DCSTAMP: variants seen among roughly 807,000 people sequenced by gnomAD.
DCSTAMP encodes the protein dendrocyte expressed seven transmembrane protein, also known as dendritic cell-specific transmembrane protein.
A neutral mutation model predicts 33.8 loss-of-function variants in DCSTAMP; 25 were observed. The observed-to-expected ratio is 0.74, with a 90% CI of 0.54 to 1.03. DCSTAMP has a LOEUF of 1.03. Ranked by LOEUF, DCSTAMP falls within the 50% of genes least tolerant of loss-of-function variation. The pLI, the probability that DCSTAMP is intolerant of heterozygous loss-of-function variation, is 0.00. For synonymous variants in DCSTAMP, 245 were observed against 216.7 expected (o/e 1.13, Z -1.15); for missense variants, 531 against 556.8 (o/e 0.95, Z 0.47).
chr8:104,356,205 C>T lies in DCSTAMP; in HGVS notation c.*7C>T. 6.2e-7 allele frequency: 1 copy of T among 1,609,726 alleles called. No individual in the cohort carries two copies. ...AAGTGCAGACAAGTCATGAGAGACC[C>T]CGACTACTCCTCAGCCACATCGCAC... is the stretch of plus-strand genomic sequence containing the variant. On this transcript the variant is annotated 3_prime_UTR_variant, in exon 4 of 4. Coordinates refer to ENST00000297581, the MANE Select transcript of DCSTAMP (RefSeq NM_030788.4).
At chr8:104,353,627 C>T (rs150017603) in intron 2 of DCSTAMP, among the ~76,000 whole-genome samples, 6 of 152,322 alleles carry the variant, frequency 3.9e-5, no homozygotes, top group East Asian at 1.9e-4. Context: ...AAATGTTTTT[C>T]GTTGCTTCGG....
intron 2 of DCSTAMP, among the ~76,000 whole-genome samples, chr8:104,351,232 A>T (rs1016323172): frequency 6.6e-6 from 1 of 152,072 alleles, no homozygotes; most frequent in African/African-American, 2.4e-5. Flanking sequence ...GAGGATCTGG[A>T]TATTGTGAGA....
Position 104,348,865 on chromosome 8 carries a change from A to G in DCSTAMP, c.313A>G (p.Ile105Val). 1 of 1,614,190 alleles carries G rather than the reference A, an allele frequency of 6.2e-7. No homozygotes were observed. The highest frequency in any genetic ancestry group is 8.5e-7 in the Non-Finnish European group (1 of 1,180,034). ...TGCTTTGATTGCAGCTGGCACAGGG[A>G]TCGTCATCTTGGGACACGTAGAAAA... ...RNALIAAGTG[I>V]VILGHVENIF... Residue 105 changes from isoleucine (I) to valine (V), a missense_variant, in exon 2 of 4, where the codon ATC (isoleucine) becomes GTC (valine). Transcript: ENST00000297581.
At chr8:104,341,661 C>T (rs145053543) in intron 1 of DCSTAMP, among the ~76,000 whole-genome samples, 1 of 152,362 alleles carries the variant, frequency 6.6e-6, no homozygotes, top group Non-Finnish European at 1.5e-5. Context: ...GATGCACAGA[C>T]TGCATGGCTC....
Position 104,355,004 on chromosome 8 carries a change from T to C in DCSTAMP, c.1157T>C (p.Ile386Thr), listed in dbSNP as rs1210672489. 6 of 1,614,186 alleles carry C rather than the reference T, an allele frequency of 3.7e-6. No homozygotes were observed. The highest frequency in any genetic ancestry group is 1.6e-4 in the Middle Eastern group (1 of 6,062). The change falls in exon 3 of 4, where the codon ATA becomes ACA. Residue 386 changes from isoleucine to threonine, a missense_variant. Coordinates refer to ENST00000297581, the MANE Select transcript of DCSTAMP (RefSeq NM_030788.4). ...TWVPLSVILL[I>T]LVMLGLLSSI... ...GTTCCTCTCAGTGTTATTCTTTTGATATTAGTGATGCTGGGACTGTTGTCC... is the reference window on the plus strand; with the variant it reads ...GTTCCTCTCAGTGTTATTCTTTTGACATTAGTGATGCTGGGACTGTTGTCC...
At position 104,356,288 on chromosome 8, in the gene DCSTAMP, C is replaced by T. The variant is rs535760250; in HGVS notation, c.*90C>T. ...ACTATTCATGCCGGATAATAGAGAACTATGTGACGCAGTCCTCTCAGGAGT... is the reference window on the plus strand; with the variant it reads ...ACTATTCATGCCGGATAATAGAGAATTATGTGACGCAGTCCTCTCAGGAGT... On this transcript the variant is annotated 3_prime_UTR_variant, in exon 4 of 4. Transcript: ENST00000297581. 33 of 1,293,030 alleles carry T rather than the reference C, an allele frequency of 2.6e-5. No homozygotes were observed. The highest frequency in any genetic ancestry group is 3.4e-5 in the Non-Finnish European group (32 of 948,436). The allele number at this position is 1,293,030 out of a possible 1,614,324, so 80.1% of individuals were successfully genotyped here. A position where few individuals can be genotyped will look rare whatever the true frequency, so the allele number is the denominator to read the frequency against.
chr8:104,356,205 C>A lies in DCSTAMP; in HGVS notation c.*7C>A. The A allele has an allele frequency of 6.2e-7, 1 of 1,609,726 alleles. No individual in the cohort carries two copies. Among genetic ancestry groups the A allele is most frequent in the South Asian group, 1.1e-5 (1 of 90,172 alleles). ...AAGTGCAGACAAGTCATGAGAGACC[C>A]CGACTACTCCTCAGCCACATCGCAC... On this transcript the variant is annotated 3_prime_UTR_variant, in exon 4 of 4. Coordinates refer to ENST00000297581, the MANE Select transcript of DCSTAMP (RefSeq NM_030788.4).
rs1351831744 is a variant in DCSTAMP at position 104,354,895 on chromosome 8, A to G, written c.1048A>G (p.Ile350Val). 7 of 1,596,818 alleles carry G rather than the reference A, an allele frequency of 4.4e-6. No homozygotes were observed. The highest frequency in any genetic ancestry group is 2.2e-5 in the East Asian group (1 of 44,768). ...LHGEKQGTQD[I>V]IHDSSFNISV... Reference sequence around the variant, plus strand: ...ATTTTAGAAACAAGGAACTCAAGATATTATCCATGATTCTTCCTTTAATAT... The same window carrying G: ...ATTTTAGAAACAAGGAACTCAAGATGTTATCCATGATTCTTCCTTTAATAT... The change falls in exon 3 of 4, where the codon ATT becomes GTT. Residue 350 changes from isoleucine (I) to valine (V), a missense_variant. Ile to Val is a conservative substitution (Grantham distance 29). Coordinates refer to ENST00000297581, the MANE Select transcript of DCSTAMP (RefSeq NM_030788.4).
intron 1 of DCSTAMP, among the ~76,000 whole-genome samples, chr8:104,343,309 C>T (rs150705809): frequency 2.6e-5 from 4 of 152,306 alleles, no homozygotes; most frequent in East Asian, 1.9e-4. Context: ...GGTTAGAAAG[C>T]GTGTATATCA....
At chr8:104,349,891 G>A (rs1032797811) in intron 2 of DCSTAMP, among the ~76,000 whole-genome samples, 7 of 152,140 alleles carry the variant, frequency 4.6e-5, no homozygotes, top group Non-Finnish European at 7.3e-5. Context: ...AGTGAGTGTC[G>A]CTGGCCTGAA....
rs1810376689 is a variant in DCSTAMP, at chr8:104,348,634, G to A, written c.82G>A (p.Asp28Asn). Residue 28 changes from aspartate (D) to asparagine (N), a missense_variant, in exon 2 of 4, where the codon GAC (aspartate) becomes AAC (asparagine). Coordinates refer to ENST00000297581, the MANE Select transcript of DCSTAMP (RefSeq NM_030788.4). ...YVSPRSPGWM[D>N]FIQHLGVCCL... ...GTCTCCAAGAAGCCCCGGATGGATG[G>A]ACTTTATCCAGCATTTGGGAGTTTG... The A allele has an allele frequency of 6.2e-7, 1 of 1,614,068 alleles. No individual in the cohort carries two copies. Among genetic ancestry groups the A allele is most frequent in the Non-Finnish European group, 8.5e-7 (1 of 1,180,032 alleles).
intron 2 of DCSTAMP, among the ~76,000 whole-genome samples, chr8:104,353,075 AC>A (rs1810509940): frequency 1.3e-5 from 2 of 152,324 alleles, no homozygotes; most frequent in African/African-American, 4.8e-5. Flanking sequence ...ACGGGAAATG[AC>A]CCAGGTAGAG....
rs1810630365 is a variant in DCSTAMP at position 104,356,556 on chromosome 8, A to G, written c.*358A>G. On this transcript the variant is annotated 3_prime_UTR_variant, in exon 4 of 4. Transcript: ENST00000297581. ...TACCACAGCCTCACAAGCAAATGCT[A>G]AGGGGAACATACATGTAAAAAGCCA... 1 of 157,778 alleles carries G rather than the reference A, an allele frequency of 6.3e-6. No homozygotes were observed. The highest frequency in any genetic ancestry group is 1.4e-5 in the Non-Finnish European group (1 of 71,890). The allele number at this position is 157,778 out of a possible 1,614,324, so 9.8% of individuals were successfully genotyped here.
intron 2 of DCSTAMP, among the ~76,000 whole-genome samples, chr8:104,352,972 A>T (rs1391373063): frequency 1.3e-5 from 2 of 152,214 alleles, no homozygotes; most frequent in African/African-American, 4.8e-5. Context: ...GCCAAGGAGA[A>T]GTCACACAGG....
chr8:104,342,769 G>A (rs2099383154), intron 1 of DCSTAMP, among the ~76,000 whole-genome samples: 1 of 152,254 alleles, frequency 6.6e-6, no homozygotes, highest in Admixed American at 6.5e-5. Context: ...TGGGAGAGAT[G>A]GCTAAGTTGG....
In DCSTAMP at chr8:104,349,394, C is replaced by G; in HGVS notation, c.842C>G (p.Pro281Arg). 1 of 1,614,206 alleles carries G rather than the reference C, an allele frequency of 6.2e-7. No individual in the cohort carries two copies. Among genetic ancestry groups the G allele is most frequent in the Non-Finnish European group, 8.5e-7 (1 of 1,180,042 alleles). ...GAAAGGAGGAAGTATGTCATCATCCCGACTTTCTGGCCGACTCCTAAAGAA... is the reference window on the plus strand; with the variant it reads ...GAAAGGAGGAAGTATGTCATCATCCGGACTTTCTGGCCGACTCCTAAAGAA... ...KEERRKYVIIPTFWPTPKERK... is the reference protein window; with the variant it reads ...KEERRKYVIIRTFWPTPKERK... The change falls in exon 2 of 4, where the codon CCG (proline) becomes CGG (arginine). Residue 281 changes from proline (P) to arginine (R), a missense_variant. Coordinates refer to ENST00000297581, the MANE Select transcript of DCSTAMP (RefSeq NM_030788.4).
intron 3 of DCSTAMP, among the ~76,000 whole-genome samples, chr8:104,355,503 C>G (rs1306762560): frequency 1.3e-5 from 2 of 152,144 alleles, no homozygotes; most frequent in Non-Finnish European, 2.9e-5. Context: ...GTAAGATATG[C>G]TTTCCTAGGT....
In DCSTAMP at chr8:104,349,107, G is replaced by A. The variant is rs1001095952; in HGVS notation, c.555G>A (p.Gln185=). The part of the protein sequence containing the change: ...LFSPSHVLEA[Q]LNDSKGEVLS... ...GTCCCAGCCATGTCCTGGAGGCACAGCTAAATGACAGCAAAGGGGAAGTCC... is the reference window on the plus strand; with the variant it reads ...GTCCCAGCCATGTCCTGGAGGCACAACTAAATGACAGCAAAGGGGAAGTCC... Residue 185 remains glutamine, a synonymous_variant, in exon 2 of 4, where the codon CAG becomes CAA. Transcript: ENST00000297581. The A allele has an allele frequency of 6.2e-6, 10 of 1,614,042 alleles. No individual in the cohort carries two copies. In the African/African-American group the frequency reaches 1.2e-4, roughly 19 times the overall value.
intron 2 of DCSTAMP, 30 bp downstream of exon 2, chr8:104,349,611 A>G (rs559554308): frequency 2.5e-6 from 4 of 1,575,312 alleles, no homozygotes; most frequent in Non-Finnish European, 3.4e-6. Context: ...CTCATGGTTT[A>G]TCCCGGCTAT....
Sources: allele counts gnomAD v4.1 joint callset (sites outside exome capture counted in the v4.1 genomes callset), GRCh38; gene constraint gnomAD v4.1.1; transcripts MANE v1.5; gene names NCBI Gene and HGNC (gene_info 2026-07-23, HGNC 2026-07-21).